Variants in TDO2 observed in about 807,000 individuals in gnomAD.
The protein encoded by TDO2 is tryptamin 2,3-dioxygenase.
A neutral mutation model predicts 61.2 loss-of-function variants in TDO2; 63 were observed. The observed-to-expected ratio is 1.03, with a 90% CI of 0.84 to 1.27. TDO2 has a LOEUF of 1.27. TDO2 is among the 50% of genes most tolerant of loss of function. TDO2 has a pLI of 0.00. For synonymous variants in TDO2, 183 were observed against 164.0 expected (o/e 1.12, Z -0.89); for missense variants, 494 against 469.5 (o/e 1.05, Z -0.48).
chr4:155,905,371 G>A (rs1350977915), intron 3 of TDO2: 5 of 433,220 alleles, frequency 1.2e-5, no homozygotes, highest in African/African-American at 1.0e-4. Context: ...AATAGGTGAA[G>A]TAGGACTTTA....
Position 155,919,923 on chromosome 4 carries a change from T to C in TDO2, c.1154T>C (p.Ile385Thr). Residue 385 changes from isoleucine to threonine, a missense_variant, in exon 12 of 12, where the codon ATT becomes ACT. Ile to Thr is a moderately conservative substitution (Grantham distance 89, BLOSUM62 -1). Coordinates refer to ENST00000536354, the MANE Select transcript of TDO2 (RefSeq NM_005651.4). ...RHWIPKMNPT[I>T]HKFLYTAEYC... ...TGGATACCGAAGATGAACCCAACCA[T>C]TCACAAATTTCTATATACAGCAGAA... The C allele has an allele frequency of 1.2e-6, 2 of 1,613,628 alleles. No individual in the cohort carries two copies. The highest frequency in any genetic ancestry group is 1.7e-6 in the Non-Finnish European group (2 of 1,179,714).
chr4:155,913,330 C>A (rs953149461), intron 7 of TDO2, among the ~76,000 whole-genome samples: 2 of 152,070 alleles, frequency 1.3e-5, no homozygotes, highest in African/African-American at 4.8e-5. Context: ...TATTAAGTTT[C>A]TTTATTAGCT....
chr4:155,910,087 T>C lies in TDO2; in HGVS notation c.494T>C (p.Ile165Thr). 3 of 1,597,490 alleles carry C rather than the reference T, an allele frequency of 1.9e-6. No individual in the cohort carries two copies. The highest frequency in any genetic ancestry group is 1.7e-4 in the Middle Eastern group (1 of 6,020). Reference sequence around the variant, plus strand: ...CAATTCCGACTATTAGAAAACAAGATAGGTGTTCTTCAGAACATGAGAGTC... The same window carrying C: ...CAATTCCGACTATTAGAAAACAAGACAGGTGTTCTTCAGAACATGAGAGTC... ...SLQFRLLENKIGVLQNMRVPY... is the reference protein window; with the variant it reads ...SLQFRLLENKTGVLQNMRVPY... Residue 165 changes from isoleucine (I) to threonine (T), a missense_variant, in exon 6 of 12, where the codon ATA becomes ACA. Coordinates refer to ENST00000536354, the MANE Select transcript of TDO2 (RefSeq NM_005651.4).
chr4:155,907,823 T>A, intron 4 of TDO2, 31 bp downstream of exon 4: 1 of 1,535,496 alleles, frequency 6.5e-7, no homozygotes, highest in Non-Finnish European at 9.0e-7. Flanking sequence ...ATTGGTTTCA[T>A]GTATATTTTT....
At chr4:155,911,984 G>A (rs981798294) in intron 7 of TDO2, among the ~76,000 whole-genome samples, 1 of 152,098 alleles carries the variant, frequency 6.6e-6, no homozygotes, top group Non-Finnish European at 1.5e-5. Flanking sequence ...GTGCTTTCTG[G>A]CAGCTCTCAG....
Position 155,920,371 on chromosome 4 carries a change from T to G in TDO2, c.*381T>G. ...CTGTACAAAGGCTTTCAAACAAAAT[T>G]TTTAAAATAATAAAGTATTAATCTT... On this transcript the variant is annotated 3_prime_UTR_variant, in exon 12 of 12. Transcript: ENST00000536354. The G allele has an allele frequency of 1.2e-5, 2 of 162,122 alleles. No individual in the cohort carries two copies. Among genetic ancestry groups the G allele is most frequent in the Non-Finnish European group, 2.7e-5 (2 of 74,698 alleles). 10.0% of individuals were successfully genotyped at this position (162,122 alleles called of 1,614,324 possible). A position where few individuals can be genotyped will look rare whatever the true frequency, so the allele number is the denominator to read the frequency against.
At chr4:155,918,011 A>C in intron 10 of TDO2, 138 bp from the exon 11 acceptor site, 1 of 778,080 alleles carries the variant, frequency 1.3e-6, no homozygotes, top group Non-Finnish European at 2.1e-6. Flanking sequence ...GCTCTCATGT[A>C]TGAGCCTTCC....
In TDO2 at chr4:155,903,721, G is replaced by A; in HGVS notation, c.-38G>A. 2 of 1,614,034 alleles carry A rather than the reference G, an allele frequency of 1.2e-6. No individual in the cohort carries two copies. The highest frequency in any genetic ancestry group is 1.7e-6 in the Non-Finnish European group (2 of 1,179,914). ...AGGTCAATGATAGCATCTGCCTAGA[G>A]TCAAACCTCCGTGCTTCTCAGACAG... On this transcript the variant is annotated 5_prime_UTR_variant, in exon 1 of 12. Transcript: ENST00000536354.
chr4:155,908,863 A>G (rs1742765907), intron 4 of TDO2, 24 bp from the exon 5 acceptor site: 1 of 1,599,836 alleles, frequency 6.3e-7, no homozygotes, highest in Admixed American at 1.7e-5. Context: ...TTGCTAACTC[A>G]GTGTTTCATT....
rs913560164 is a variant in TDO2 at position 155,911,683 on chromosome 4, C to T, written c.726+79C>T. ...TATTTTAATTATTTTTTGCTTTTCT[C>T]TTAACCTTTTCTCTTTCTCATATTT... On this transcript the variant is annotated intron_variant, in intron 7 of 11. Transcript: ENST00000536354. The T allele has an allele frequency of 4.8e-6, 5 of 1,031,086 alleles. No individual in the cohort carries two copies. In the African/African-American group the frequency reaches 5.1e-5, roughly 10 times the overall value. 63.9% of individuals were successfully genotyped at this position (1,031,086 alleles called of 1,614,324 possible). A position where few individuals can be genotyped will look rare whatever the true frequency, so the allele number is the denominator to read the frequency against.
chr4:155,909,124 ATT>A (rs1361564663), intron 5 of TDO2, 110 bp downstream of exon 5: 37 of 1,145,116 alleles, frequency 3.2e-5, no homozygotes, highest in Non-Finnish European at 4.4e-5. Context: ...TCTTACTAAC[ATT>A]TTGTCACTAT....
At chr4:155,906,937 A>G (rs1012349956) in intron 3 of TDO2, 30 of 152,184 alleles carry the variant, frequency 2.0e-4, no homozygotes, top group African/African-American at 7.0e-4. Context: ...TTCTTCCAAC[A>G]TGTCATTACT....
At chr4:155,919,731 A>G in intron 11 of TDO2, 106 bp from the exon 12 acceptor site, 1 of 933,434 alleles carries the variant, frequency 1.1e-6, no homozygotes, top group South Asian at 1.9e-5. Flanking sequence ...ATATTATAAT[A>G]TTGAATACTA....
chr4:155,914,156 TCCTTC>T (rs1268253705), intron 7 of TDO2, among the ~76,000 whole-genome samples, 162 bp from the exon 8 acceptor site: 1 of 152,116 alleles, frequency 6.6e-6, no homozygotes, highest in African/African-American at 2.4e-5. Context: ...TGTGGAAGAT[TCCTTC>T]TCATAAGACA....
chr4:155,907,724 T>A lies in TDO2; in HGVS notation c.235T>A (p.Tyr79Asn). The A allele has an allele frequency of 6.2e-7, 1 of 1,612,010 alleles. No homozygotes were observed. Among genetic ancestry groups the A allele is most frequent in the Non-Finnish European group, 8.5e-7 (1 of 1,179,062 alleles). The change falls in exon 4 of 12, where the codon TAT (tyrosine) becomes AAT (asparagine). Residue 79 changes from tyrosine (Y) to asparagine (N), a missense_variant and splice_region_variant. By Grantham distance (143) the Tyr-to-Asn change is moderately radical (BLOSUM62 -2). Coordinates refer to ENST00000536354, the MANE Select transcript of TDO2 (RefSeq NM_005651.4). Reference protein sequence around the residue: ...EHLFIITHQAYELWFKQILWE... With the variant: ...EHLFIITHQANELWFKQILWE... ...TGACAATGATTTCCTTATTACAGCTTATGAACTCTGGTTTAAGCAAATCCT... is the reference window on the plus strand; with the variant it reads ...TGACAATGATTTCCTTATTACAGCTAATGAACTCTGGTTTAAGCAAATCCT...
chr4:155,917,541 T>G (rs117926451), intron 10 of TDO2, 67 bp downstream of exon 10: 2 of 1,333,590 alleles, frequency 1.5e-6, no homozygotes, highest in East Asian at 4.7e-5. Flanking sequence ...TATCTTGGTC[T>G]TCTGTGTGCC....
intron 7 of TDO2, among the ~76,000 whole-genome samples, chr4:155,913,767 T>G (rs1040286928): frequency 6.6e-6 from 1 of 152,122 alleles, no homozygotes; most frequent in Non-Finnish European, 1.5e-5. Context: ...CCAGCTCAAT[T>G]AATTGGCTTA....
At chr4:155,906,872 G>A (rs1238905118) in intron 3 of TDO2, 1 of 152,122 alleles carries the variant, frequency 6.6e-6, no homozygotes. Context: ...AAAGAAAATG[G>A]TTTTGCCCCA....
intron 7 of TDO2, among the ~76,000 whole-genome samples, chr4:155,912,900 T>C (rs1466130151): frequency 6.6e-6 from 1 of 152,148 alleles, no homozygotes; most frequent in African/African-American, 2.4e-5. Flanking sequence ...CTTCTCTGCA[T>C]TAAAGAATTT....
Sources: gnomAD v4.1 joint callset for allele counts (sites outside exome capture counted in the v4.1 genomes callset) on GRCh38, gnomAD v4.1.1 for gene constraint, MANE v1.5 for transcripts, NCBI Gene and HGNC (gene_info 2026-07-23, HGNC 2026-07-21) for gene names.